The following SDK1 variants were observed in gnomAD, a reference collection of about 807,000 sequenced individuals.
SDK1 encodes the protein sidekick cell adhesion molecule 1.
SDK1 carries 157 observed loss-of-function variants against 245.5 expected under a neutral mutation model. The ratio of observed to expected loss-of-function variants is 0.64; its 90% confidence interval spans 0.56 to 0.73. The LOEUF is 0.73. Among genes scored for constraint, SDK1 ranks in the 30% least tolerant of loss-of-function variants. The probability of loss-of-function intolerance (pLI) is 0.00; values close to 1 mark genes in which losing one functional copy is unlikely to be tolerated. For missense variants in SDK1, 3,583 were observed against 3,002.3 expected, an observed-to-expected ratio of 1.19 and a Z score of -4.52; for synonymous variants, 1,647 against 1,278.5, an observed-to-expected ratio of 1.29 and a Z score of -6.15.
intron 4 of SDK1, among the ~76,000 whole-genome samples, chr7:3,647,632 G>A (rs1782890913): frequency 1.3e-5 from 2 of 151,974 alleles, no homozygotes; most frequent in Admixed American, 1.3e-4. Flanking sequence ...GTTTCACCAT[G>A]TTGCCCAGGC....
intron 5 of SDK1, among the ~76,000 whole-genome samples, chr7:3,892,461 C>G (rs893182225): frequency 1.1e-4 from 16 of 152,202 alleles, no homozygotes; most frequent in African/African-American, 3.6e-4. Context: ...CTGCTGGGAC[C>G]TGGCAGCCGT....
rs1007597184 is a variant in SDK1 at position 3,603,908 on chromosome 7, T to G, written c.299-15172T>G. Among the ~76,000 whole-genome samples the G allele has an allele frequency of 3.3e-5, 5 of 152,376 alleles. No homozygotes were observed. The South Asian group carries it at 1.0e-3, about 32-fold the overall frequency. ...TAACATGAATGGTTGTTGAATTTTG[T>G]CAAAGGCCTTTTCTGCATCTATTGA... On this transcript the variant is annotated intron_variant, in intron 1 of 44. Transcript: ENST00000404826.
intron 5 of SDK1, among the ~76,000 whole-genome samples, chr7:3,879,981 A>C (rs1222507712): frequency 6.6e-6 from 1 of 151,982 alleles, no homozygotes; most frequent in East Asian, 1.9e-4. Context: ...GGAGAGAGAG[A>C]TCAAGGCTGT....
chr7:4,133,266 G>A (rs560132037), intron 28 of SDK1, among the ~76,000 whole-genome samples: 5 of 152,304 alleles, frequency 3.3e-5, no homozygotes, highest in African/African-American at 9.6e-5. Flanking sequence ...GAATTTTTCC[G>A]TTCCCCAAAG....
At chr7:4,104,308 G>C (rs912383260) in intron 22 of SDK1, among the ~76,000 whole-genome samples, 2 of 152,184 alleles carry the variant, frequency 1.3e-5, no homozygotes, top group African/African-American at 4.8e-5. Context: ...CAAACCTCCC[G>C]CTTTGGCCTC....
chr7:3,892,861 C>G lies in SDK1; in HGVS notation c.848-58062C>G, dbSNP rs536160246. Among the ~76,000 whole-genome samples, 4 of 152,268 alleles carry G rather than the reference C, an allele frequency of 2.6e-5. No individual in the cohort carries two copies. The South Asian group carries it at 8.3e-4, about 32-fold the overall frequency. On this transcript the variant is annotated intron_variant, in intron 5 of 44. Transcript: ENST00000404826. ...CAAGCCACTTTCCCTCTGTGGATCT[C>G]AAGTTCCTCTTCAATATTAACCAAG...
chr7:4,181,432 A>G (rs7797803), intron 35 of SDK1, among the ~76,000 whole-genome samples: 46,557 of 152,146 alleles, frequency 0.31, 7,256 homozygotes, highest in Middle Eastern at 0.45. Context: ...TCAGCAGTGC[A>G]GAGCTGAGAC....
At chr7:3,524,333 C>T (rs1031813597) in intron 1 of SDK1, among the ~76,000 whole-genome samples, 1 of 151,982 alleles carries the variant, frequency 6.6e-6, no homozygotes, top group Admixed American at 6.6e-5. Context: ...ACTGTGGTTG[C>T]GGTGTTGAGA....
At chr7:3,604,725 C>A (rs1175899573) in intron 1 of SDK1, among the ~76,000 whole-genome samples, 1 of 151,324 alleles carries the variant, frequency 6.6e-6, no homozygotes, top group Non-Finnish European at 1.5e-5. Context: ...GCCTCAGCCT[C>A]CAGAGTAGCT....
intron 5 of SDK1, among the ~76,000 whole-genome samples, chr7:3,823,376 G>A (rs2115062662): frequency 6.6e-6 from 1 of 152,226 alleles, no homozygotes; most frequent in African/African-American, 2.4e-5. Flanking sequence ...TTCTGCATCA[G>A]AAACAAGGAA....
At chr7:3,435,980 T>A (rs544907866) in intron 1 of SDK1, among the ~76,000 whole-genome samples, 1 of 152,248 alleles carries the variant, frequency 6.6e-6, no homozygotes, top group African/African-American at 2.4e-5. Flanking sequence ...ACATTAACTT[T>A]GGAGAGGTTT....
chr7:3,442,013 A>T (rs778793662), intron 1 of SDK1, among the ~76,000 whole-genome samples: 13 of 152,154 alleles, frequency 8.5e-5, no homozygotes, highest in Non-Finnish European at 1.8e-4. Flanking sequence ...AAGCATCCTC[A>T]CGCCACAGAT....
rs564759177 is a variant in SDK1 at position 3,880,056 on chromosome 7, T to A, written c.847+58473T>A. 5.9e-5 allele frequency among the ~76,000 whole-genome samples: 9 copies of A among 152,318 alleles called. No homozygotes were observed. In the East Asian group the frequency reaches 1.5e-3, roughly 26 times the overall value. On this transcript the variant is annotated intron_variant, in intron 5 of 44. Transcript: ENST00000404826. ...TGCTGCTGGTAATCAAGAAAAATAATGCCGCCTTAATCCTGGATGCCAAGG... is the reference window on the plus strand; with the variant it reads ...TGCTGCTGGTAATCAAGAAAAATAAAGCCGCCTTAATCCTGGATGCCAAGG...
chr7:4,104,293 T>C (rs1382423275), intron 22 of SDK1, among the ~76,000 whole-genome samples: 1 of 152,230 alleles, frequency 6.6e-6, no homozygotes, highest in African/African-American at 2.4e-5. Context: ...AGTCCTGGAC[T>C]CAAGCAAACC....
intron 1 of SDK1, among the ~76,000 whole-genome samples, chr7:3,495,485 C>T (rs936297789): frequency 6.6e-6 from 1 of 151,986 alleles, no homozygotes; most frequent in African/African-American, 2.4e-5. Context: ...TCTTGAACAC[C>T]CAGCCTCAAG....
At chr7:3,948,071 C>A (rs1029070486) in intron 5 of SDK1, among the ~76,000 whole-genome samples, 3 of 152,116 alleles carry the variant, frequency 2.0e-5, no homozygotes. Flanking sequence ...TGAGCACTAT[C>A]CTTGCTATTG....
At chr7:4,222,635 G>A (rs1423132838) in intron 40 of SDK1, among the ~76,000 whole-genome samples, 2 of 152,182 alleles carry the variant, frequency 1.3e-5, no homozygotes, top group Admixed American at 6.5e-5. Context: ...GTGCAGAAGC[G>A]TGAAAAAGCC....
intron 1 of SDK1, among the ~76,000 whole-genome samples, chr7:3,452,174 T>C (rs1780534119): frequency 1.3e-5 from 2 of 152,354 alleles, no homozygotes; most frequent in East Asian, 1.9e-4. Context: ...GGGGCTTTTG[T>C]CGTGTCAGCT....
chr7:4,088,267 G>A (rs1291494581), intron 22 of SDK1, among the ~76,000 whole-genome samples: 4 of 152,160 alleles, frequency 2.6e-5, no homozygotes, highest in East Asian at 3.8e-4. Context: ...TGTTAATGGC[G>A]ACAGTTTTTG....
Sources: allele counts gnomAD v4.1 joint callset (sites outside exome capture counted in the v4.1 genomes callset), GRCh38; gene constraint gnomAD v4.1.1; transcripts MANE v1.5; gene names NCBI Gene and HGNC (gene_info 2026-07-23, HGNC 2026-07-21).